Variants in SGCD observed in about 807,000 individuals in gnomAD.
The protein encoded by SGCD is delta-sarcoglycan.
Under a neutral mutation model 36.6 loss-of-function variants are expected in SGCD, and 18 were observed. That is an observed-to-expected ratio of 0.49 (90% CI 0.34 to 0.73). The LOEUF (loss-of-function observed/expected upper bound fraction) is 0.73, where lower values mean the gene tolerates loss of function less well. SGCD is among the 30% of genes least tolerant of loss of function. The probability of loss-of-function intolerance (pLI) is 0.01; values close to 1 mark genes in which losing one functional copy is unlikely to be tolerated. For synonymous variants in SGCD, 133 were observed against 130.6 expected (o/e 1.02, Z -0.12); for missense variants, 387 against 346.7 (o/e 1.12, Z -0.92).
At chr5:155,814,054 C>T in the SGCD span, among the ~76,000 whole-genome samples, 1 of 152,208 alleles carries the variant, frequency 6.6e-6, no homozygotes, top group Admixed American at 6.5e-5. Flanking sequence ...TGGGCACCTA[C>T]ATGGCTAATT....
At chr5:155,841,034 A>ATACGTGGGCT in the SGCD span, among the ~76,000 whole-genome samples, 1 of 133,578 alleles carries the variant, frequency 7.5e-6, no homozygotes, top group Non-Finnish European at 1.5e-5. Context: ...AAAAAAAAAG[A>ATACGTGGGCT]CTGGGGCACT....
chr5:156,286,424 C>T (rs954973327), intron 3 of SGCD, among the ~76,000 whole-genome samples: 1 of 152,156 alleles, frequency 6.6e-6, no homozygotes, highest in Non-Finnish European at 1.5e-5. Context: ...GGAACCACCC[C>T]AAATGTCCAA....
At chr5:156,015,901 T>TTA (rs138594984) in intron 1 of SGCD, among the ~76,000 whole-genome samples, 2,697 of 147,642 alleles carry the variant, frequency 0.018, 60 homozygotes, top group African/African-American at 0.053. Context: ...CACATATATT[T>TTA]TATATATATA....
At chr5:156,272,109 C>T (rs1561594647) in intron 3 of SGCD, among the ~76,000 whole-genome samples, 1 of 152,026 alleles carries the variant, frequency 6.6e-6, no homozygotes, top group Non-Finnish European at 1.5e-5. Context: ...TTAGTGCACC[C>T]ATCACTCAAG....
intron 3 of SGCD, among the ~76,000 whole-genome samples, chr5:156,365,530 TTTCTC>T (rs1770048957): frequency 6.6e-6 from 1 of 152,092 alleles, no homozygotes; most frequent in Non-Finnish European, 1.5e-5. Context: ...AGATGAGCGT[TTTCTC>T]TTCTTTCTGC....
chr5:156,503,382 G>A (rs147120292), intron 3 of SGCD, among the ~76,000 whole-genome samples: 5 of 152,180 alleles, frequency 3.3e-5, no homozygotes, highest in Admixed American at 1.3e-4. Context: ...GGATCCCTTC[G>A]ACTCTGAGAA....
chr5:156,527,670 TAGC>T (rs1757700079), intron 4 of SGCD, among the ~76,000 whole-genome samples: 2 of 152,196 alleles, frequency 1.3e-5, no homozygotes, highest in Admixed American at 6.5e-5. Context: ...TGGTTTTCTG[TAGC>T]TTTTTTTTAA....
At chr5:156,677,993 C>T (rs1017735023) in intron 7 of SGCD, among the ~76,000 whole-genome samples, 1 of 152,132 alleles carries the variant, frequency 6.6e-6, no homozygotes, top group East Asian at 1.9e-4. Context: ...GTTGTAAATG[C>T]TAAGCCAGTG....
intron 3 of SGCD, among the ~76,000 whole-genome samples, chr5:156,179,620 C>CTTTTT (rs570830321): frequency 1.5e-5 from 2 of 135,432 alleles, no homozygotes; most frequent in Non-Finnish European, 1.6e-5. Flanking sequence ...AATTTTCCAA[C>CTTTTT]TTTTTTTTTT....
In SGCD at chr5:156,613,053, G is replaced by A. The variant is rs2113468680; in HGVS notation, c.502+18002G>A. On this transcript the variant is annotated intron_variant, in intron 6 of 8. Coordinates refer to ENST00000337851, the MANE Select transcript of SGCD (RefSeq NM_000337.6). ...TTAATCCCAGTAGAGGAGATAATGTGGCAGAGGTACGGTGCTTTGCTCCTC... is the reference window on the plus strand; with the variant it reads ...TTAATCCCAGTAGAGGAGATAATGTAGCAGAGGTACGGTGCTTTGCTCCTC... Among the ~76,000 whole-genome samples, 3 of 152,262 alleles carry A rather than the reference G, an allele frequency of 2.0e-5. 1 individual carries two copies. The Middle Eastern group carries it at 0.01, about 518-fold the overall frequency.
chr5:156,618,740 G>A (rs914412674), intron 6 of SGCD, among the ~76,000 whole-genome samples: 2 of 152,128 alleles, frequency 1.3e-5, no homozygotes, highest in African/African-American at 4.8e-5. Flanking sequence ...AATTCCTGAT[G>A]CAGAAGGAAA....
At chr5:156,328,742 G>T (rs7713117) in intron 1 of SGCD, among the ~76,000 whole-genome samples, 2 of 149,854 alleles carry the variant, frequency 1.3e-5, no homozygotes, top group African/African-American at 2.5e-5. Flanking sequence ...TTCTTTATTA[G>T]TTTCATCTTC....
chr5:156,312,259 G>A (rs1767409034), intron 3 of SGCD, among the ~76,000 whole-genome samples: 1 of 152,158 alleles, frequency 6.6e-6, no homozygotes, highest in Non-Finnish European at 1.5e-5. Context: ...TATTTATTGA[G>A]TGGCAGGGCC....
intron 3 of SGCD, among the ~76,000 whole-genome samples, chr5:156,177,286 C>T (rs113366329): frequency 0.017 from 2,589 of 152,256 alleles, 79 homozygotes; most frequent in African/African-American, 0.059. Flanking sequence ...AGGTGTGAGC[C>T]ACCGTGCCTG....
intron 7 of SGCD, among the ~76,000 whole-genome samples, chr5:156,737,618 G>A (rs780783821): frequency 2.4e-4 from 36 of 152,126 alleles, no homozygotes; most frequent in Non-Finnish European, 8.8e-5. Context: ...ATATCAGTAA[G>A]TGGACACAGA....
At chr5:156,412,585 T>TAGTCTTACTTGTAAC (rs1318554173) in intron 3 of SGCD, among the ~76,000 whole-genome samples, 2 of 152,204 alleles carry the variant, frequency 1.3e-5, no homozygotes, top group African/African-American at 4.8e-5. Flanking sequence ...CTTTTGTCCA[T>TAGTCTTACTTGTAAC]AGTCTTACTT....
At chr5:155,879,381 G>A (rs1034943169) in intron 1 of SGCD, among the ~76,000 whole-genome samples, 5 of 152,146 alleles carry the variant, frequency 3.3e-5, no homozygotes, top group Admixed American at 2.0e-4. Flanking sequence ...CTGCTTCGTG[G>A]ATGAGGCATT....
chr5:156,123,539 G>T (rs113855111), intron 2 of SGCD, among the ~76,000 whole-genome samples: 1 of 152,112 alleles, frequency 6.6e-6, no homozygotes, highest in Non-Finnish European at 1.5e-5. Context: ...ATTGAACTGT[G>T]CCACAGACAA....
At chr5:155,937,807 A>G (rs1455859147) in intron 1 of SGCD, among the ~76,000 whole-genome samples, 2 of 152,232 alleles carry the variant, frequency 1.3e-5, no homozygotes, top group East Asian at 3.9e-4. Context: ...CTGCATTGTA[A>G]ATAGATCCAA....
Sources: gnomAD v4.1 joint callset for allele counts (sites outside exome capture counted in the v4.1 genomes callset) on GRCh38, gnomAD v4.1.1 for gene constraint, MANE v1.5 for transcripts, NCBI Gene and HGNC (gene_info 2026-07-23, HGNC 2026-07-21) for gene names.